UTY: variants seen among roughly 807,000 people sequenced by gnomAD.
UTY encodes ubiquitously transcribed tetratricopeptide repeat containing, Y-linked.
Under a neutral mutation model 32.5 loss-of-function variants are expected in UTY, and 12 were observed. That is an observed-to-expected ratio of 0.37 (90% CI 0.24 to 0.60). The LOEUF is 0.60. Among genes scored for constraint, UTY ranks in the 20% least tolerant of loss-of-function variants. UTY has a pLI of 0.69. For synonymous variants in UTY, 131 were observed against 103.4 expected (o/e 1.27, Z -1.62); for missense variants, 303 against 299.2 (o/e 1.01, Z -0.09).
chrY:13,457,969 G>A, intron 3 of UTY, among the ~76,000 whole-genome samples: 1 of 33,261 alleles, frequency 3.0e-5, no homozygotes, highest in Non-Finnish European at 7.4e-5. Context: ...AGAGAAAAAG[G>A]ACAATAGGGA....
At chrY:13,325,695 T>TA (rs2060199150) in intron 19 of UTY, among the ~76,000 whole-genome samples, 1 of 33,665 alleles carries the variant, frequency 3.0e-5, no homozygotes, top group Admixed American at 2.7e-4. Flanking sequence ...ATTCAACAGG[T>TA]ATACATAACT....
chrY:13,477,380 G>C (rs771367840), intron 2 of UTY, among the ~76,000 whole-genome samples: 6 of 33,170 alleles, frequency 1.8e-4, no homozygotes, highest in Admixed American at 1.7e-3. Context: ...GAATGATGCA[G>C]CACTAAAGCC....
At chrY:13,389,167 T>C in intron 8 of UTY, among the ~76,000 whole-genome samples, 3 of 32,766 alleles carry the variant, frequency 9.2e-5, no homozygotes, top group Non-Finnish European at 7.5e-5. Context: ...TCCAGGTCCT[T>C]TTGCCCACTT....
At chrY:13,403,586 C>T in intron 6 of UTY, among the ~76,000 whole-genome samples, 2 of 33,532 alleles carry the variant, frequency 6.0e-5, no homozygotes, top group South Asian at 6.6e-4. Flanking sequence ...GCCACTATGC[C>T]CAGTGACAAT....
intron 23 of UTY, 188 bp from the exon 24 acceptor site, chrY:13,305,735 C>A: frequency 6.9e-6 from 1 of 145,604 alleles, no homozygotes; most frequent in Non-Finnish European, 8.7e-6. Context: ...AAAAAAAAAT[C>A]ATAAATTGTA....
intron 25 of UTY, among the ~76,000 whole-genome samples, chrY:13,302,281 TA>T (rs2058410302): frequency 3.0e-5 from 1 of 33,740 alleles, no homozygotes; most frequent in African/African-American, 1.2e-4. Flanking sequence ...TAATTCCCCA[TA>T]ATTTCTAAAA....
intron 27 of UTY, among the ~76,000 whole-genome samples, chrY:13,289,958 G>A (rs777010644): frequency 3.4e-5 from 1 of 29,520 alleles, no homozygotes; most frequent in Non-Finnish European, 8.0e-5. Context: ...AATGTATAAA[G>A]CACCCAGACC....
chrY:13,263,800 G>T (rs2055477614), intron 27 of UTY, among the ~76,000 whole-genome samples: 35 of 33,987 alleles, frequency 1.0e-3, no homozygotes. Flanking sequence ...ACAATAATCT[G>T]CTCTGAAGAA....
chrY:13,416,227 A>G (rs772978466), intron 4 of UTY, among the ~76,000 whole-genome samples: 409 of 34,350 alleles, frequency 0.012, no homozygotes, highest in African/African-American at 0.044. Context: ...ATAACCTGAC[A>G]TGATTTCTTG....
rs368583623 is a variant in UTY at position 13,418,203 on chromosome Y, T to C, written c.376-3410A>G. On this transcript the variant is annotated intron_variant, in intron 4 of 29. Coordinates refer to ENST00000545955, the MANE Select transcript of UTY (RefSeq NM_001258249.2). ...CGATAGTTTGCTGAGAATGATGGTT[T>C]CCAGCTTCATCCATGGCCCTACAAA... is the stretch of plus-strand genomic sequence containing the variant. Among the ~76,000 whole-genome samples the C allele has an allele frequency of 2.6e-4, 8 of 30,189 alleles. No individual in the cohort carries two copies. In the East Asian group the frequency reaches 3.6e-3, roughly 14 times the overall value. The allele number at this position is 30,189 out of a possible 37,273, so 81.0% of individuals were successfully genotyped here.
At chrY:13,343,208 G>A (rs553802209) in intron 17 of UTY, among the ~76,000 whole-genome samples, 1 of 32,840 alleles carries the variant, frequency 3.0e-5, no homozygotes, top group South Asian at 7.0e-4. Context: ...AGACTTGGTG[G>A]CTATGGGATG....
chrY:13,374,250 C>G, intron 8 of UTY, among the ~76,000 whole-genome samples: 1 of 32,734 alleles, frequency 3.1e-5, no homozygotes, highest in Non-Finnish European at 7.5e-5. Flanking sequence ...CCAGGATGGT[C>G]TTGATCTCTT....
At chrY:13,296,220 T>C in intron 27 of UTY, among the ~76,000 whole-genome samples, 3 of 34,219 alleles carry the variant, frequency 8.8e-5, no homozygotes. Context: ...TTAAGTTCTC[T>C]GCAGTGGTGC....
At chrY:13,460,292 A>C in intron 3 of UTY, among the ~76,000 whole-genome samples, 4 of 33,765 alleles carry the variant, frequency 1.2e-4, no homozygotes, top group Non-Finnish European at 2.9e-4. Flanking sequence ...TCAGAGTTCT[A>C]TAACCCCTAC....
At position 13,433,390 on chromosome Y, in the gene UTY, A is replaced by G. The variant is rs765659045; in HGVS notation, c.375+15627T>C. On this transcript the variant is annotated intron_variant, in intron 4 of 29. Coordinates refer to ENST00000545955, the MANE Select transcript of UTY (RefSeq NM_001258249.2). ...TTCAGATGGGTCTTTGAAATAATCAATCAATCAATCAATAAAATAAAAAGA... is the reference window on the plus strand; with the variant it reads ...TTCAGATGGGTCTTTGAAATAATCAGTCAATCAATCAATAAAATAAAAAGA... 5.9e-4 allele frequency among the ~76,000 whole-genome samples: 20 copies of G among 33,795 alleles called. No homozygotes were observed. In the South Asian group the frequency reaches 0.013, roughly 22 times the overall value. The allele number at this position is 33,795 out of a possible 37,273, so 90.7% of individuals were successfully genotyped here.
chrY:13,309,018 T>C (rs1010175616), intron 21 of UTY, among the ~76,000 whole-genome samples: 1 of 33,140 alleles, frequency 3.0e-5, no homozygotes, highest in Admixed American at 2.8e-4. Flanking sequence ...AGGTGGTTGC[T>C]TGAATTCTTG....
chrY:13,298,636 C>T (rs2058199795), intron 26 of UTY, among the ~76,000 whole-genome samples: 1 of 28,523 alleles, frequency 3.5e-5, no homozygotes, highest in East Asian at 8.9e-4. Context: ...TGTCTGTAGT[C>T]CCAGCTACTC....
chrY:13,382,317 A>G, intron 8 of UTY, among the ~76,000 whole-genome samples: 2 of 33,516 alleles, frequency 6.0e-5, no homozygotes, highest in Non-Finnish European at 1.5e-4. Context: ...TGGATATCAA[A>G]ATCAACAACA....
chrY:13,300,539 C>G (rs2058321451), intron 25 of UTY, among the ~76,000 whole-genome samples: 1 of 32,943 alleles, frequency 3.0e-5, no homozygotes, highest in Non-Finnish European at 7.5e-5. Context: ...GAGCTGAGAT[C>G]GTGCCACTGC....
Sources: allele counts gnomAD v4.1 joint callset (sites outside exome capture counted in the v4.1 genomes callset), GRCh38; gene constraint gnomAD v4.1.1; transcripts MANE v1.5; gene names NCBI Gene and HGNC (gene_info 2026-07-23, HGNC 2026-07-21).